The following PPM1L variants were observed in gnomAD, a reference collection of about 807,000 sequenced individuals.
The protein encoded by PPM1L is protein phosphatase, Mg2+/Mn2+ dependent 1L.
In PPM1L, 13 loss-of-function variants were observed where a neutral mutation model predicts 31.4. That is an observed-to-expected ratio of 0.41 (90% CI 0.27 to 0.66). The LOEUF is 0.66. PPM1L is among the 30% of genes least tolerant of loss of function. The probability of loss-of-function intolerance (pLI) is 0.29; values close to 1 mark genes in which losing one functional copy is unlikely to be tolerated. For synonymous variants in PPM1L, 184 were observed against 175.4 expected (o/e 1.05, Z -0.39); for missense variants, 326 against 453.7 (o/e 0.72, Z 2.56).
chr3:160,813,131 A>C (rs1319559966), intron 1 of PPM1L, among the ~76,000 whole-genome samples: 2 of 152,160 alleles, frequency 1.3e-5, no homozygotes, highest in Non-Finnish European at 2.9e-5. Context: ...GCCACTGAAC[A>C]CTTAGAAATG....
At chr3:160,784,763 A>G (rs1409784874) in intron 1 of PPM1L, among the ~76,000 whole-genome samples, 1 of 152,204 alleles carries the variant, frequency 6.6e-6, no homozygotes, top group Non-Finnish European at 1.5e-5. Context: ...TATGCTCCAT[A>G]AGCACTGAAT....
chr3:160,914,793 G>C (rs1031566812), intron 1 of PPM1L, among the ~76,000 whole-genome samples: 5 of 152,020 alleles, frequency 3.3e-5, no homozygotes, highest in Admixed American at 3.3e-4. Context: ...ATAATCCTTT[G>C]GGTATATACC....
At chr3:161,041,256 C>G (rs936480093) in intron 2 of PPM1L, among the ~76,000 whole-genome samples, 2 of 152,178 alleles carry the variant, frequency 1.3e-5, no homozygotes, top group African/African-American at 4.8e-5. Context: ...CTGGCCCCGC[C>G]CTGGCTTTGA....
intron 1 of PPM1L, among the ~76,000 whole-genome samples, chr3:160,944,791 GTT>G (rs1715283955): frequency 8.1e-5 from 2 of 24,788 alleles, no homozygotes; most frequent in African/African-American, 2.0e-4. Context: ...TATTATATAT[GTT>G]ATATATAACA....
intron 1 of PPM1L, among the ~76,000 whole-genome samples, chr3:160,944,823 A>ATATAACATATGTATGT (rs1559896985): frequency 6.0e-5 from 1 of 16,698 alleles, no homozygotes; most frequent in East Asian, 1.0e-3. Flanking sequence ...TATATATGTT[A>ATATAACATATGTATGT]TATATAACAT....
At chr3:160,874,615 C>G (rs1712444701) in intron 1 of PPM1L, among the ~76,000 whole-genome samples, 1 of 152,212 alleles carries the variant, frequency 6.6e-6, no homozygotes, top group Non-Finnish European at 1.5e-5. Flanking sequence ...TGTGATTTCA[C>G]ATTCCTCCAT....
intron 1 of PPM1L, among the ~76,000 whole-genome samples, chr3:160,849,269 A>G (rs530888898): frequency 6.6e-6 from 1 of 152,142 alleles, no homozygotes; most frequent in South Asian, 2.1e-4. Flanking sequence ...CCCTAGACCT[A>G]GAATGACTTG....
chr3:161,024,168 G>A (rs560001410), intron 2 of PPM1L, among the ~76,000 whole-genome samples: 4 of 151,986 alleles, frequency 2.6e-5, no homozygotes, highest in Admixed American at 2.6e-4. Context: ...AGGAGGCTAA[G>A]GCAGGAGAAT....
At chr3:160,795,921 C>A (rs867443549) in intron 1 of PPM1L, among the ~76,000 whole-genome samples, 1 of 152,172 alleles carries the variant, frequency 6.6e-6, no homozygotes, top group African/African-American at 2.4e-5. Context: ...GTGCTCAGTG[C>A]TACTGATTTC....
intron 1 of PPM1L, among the ~76,000 whole-genome samples, chr3:160,797,552 C>G (rs959709192): frequency 2.0e-5 from 3 of 152,158 alleles, no homozygotes; most frequent in Admixed American, 2.0e-4. Flanking sequence ...AAAGCTGAGA[C>G]AGGTCAGAAG....
At chr3:161,000,558 G>A (rs1401948952) in intron 2 of PPM1L, among the ~76,000 whole-genome samples, 2 of 152,058 alleles carry the variant, frequency 1.3e-5, no homozygotes, top group Non-Finnish European at 2.9e-5. Context: ...AGGGAGAGAA[G>A]GCTGATGAAT....
intron 1 of PPM1L, among the ~76,000 whole-genome samples, chr3:160,960,886 C>T (rs1715942077): frequency 6.6e-6 from 1 of 152,128 alleles, no homozygotes; most frequent in South Asian, 2.1e-4. Flanking sequence ...ACCAGAAGAA[C>T]ATATCAGAAT....
intron 1 of PPM1L, among the ~76,000 whole-genome samples, chr3:160,776,215 T>C (rs1035636613): frequency 3.3e-5 from 5 of 152,204 alleles, no homozygotes; most frequent in African/African-American, 1.2e-4. Context: ...TGGGGAGCTT[T>C]ATGAATCATA....
chr3:160,776,952 A>T (rs1576632452), intron 1 of PPM1L, among the ~76,000 whole-genome samples: 1 of 151,784 alleles, frequency 6.6e-6, no homozygotes, highest in East Asian at 1.9e-4. Context: ...GATTAATCTC[A>T]TCATGGAATC....
intron 1 of PPM1L, among the ~76,000 whole-genome samples, chr3:160,850,145 T>C (rs995743447): frequency 6.6e-6 from 1 of 152,192 alleles, no homozygotes; most frequent in African/African-American, 2.4e-5. Flanking sequence ...GTCCTTAGGT[T>C]TGATCATTTG....
chr3:160,906,404 C>T (rs991667415), intron 1 of PPM1L, among the ~76,000 whole-genome samples: 4 of 152,100 alleles, frequency 2.6e-5, no homozygotes, highest in Non-Finnish European at 5.9e-5. Context: ...GAGATGGAGA[C>T]CATCCTGGCC....
intron 1 of PPM1L, among the ~76,000 whole-genome samples, chr3:160,801,130 C>CAT (rs1035629736): frequency 2.8e-4 from 10 of 35,378 alleles, no homozygotes; most frequent in African/African-American, 5.3e-4. Context: ...TTTAGTGATA[C>CAT]ACACACACAC....
chr3:160,900,796 G>A (rs1196256580), intron 1 of PPM1L, among the ~76,000 whole-genome samples: 2 of 151,736 alleles, frequency 1.3e-5, no homozygotes, highest in Admixed American at 6.6e-5. Context: ...TCATTTCATC[G>A]CAGTATTTCA....
chr3:161,066,966 T>TG (rs1719759402), intron 3 of PPM1L, among the ~76,000 whole-genome samples: 3 of 152,244 alleles, frequency 2.0e-5, no homozygotes, highest in Non-Finnish European at 2.9e-5. Flanking sequence ...TTTCTGTTGA[T>TG]GGGATGAAAC....
Sources: allele counts gnomAD v4.1 joint callset (sites outside exome capture counted in the v4.1 genomes callset), GRCh38; gene constraint gnomAD v4.1.1; transcripts MANE v1.5; gene names NCBI Gene and HGNC (gene_info 2026-07-23, HGNC 2026-07-21).